Variants in CACNA2D3 observed in about 807,000 individuals in gnomAD.
CACNA2D3 encodes the protein voltage-dependent calcium channel subunit alpha-2/delta-3.
A neutral mutation model predicts 160.6 loss-of-function variants in CACNA2D3; 60 were observed. The ratio of observed to expected loss-of-function variants is 0.37; its 90% CI spans 0.30 to 0.46. CACNA2D3 has a LOEUF of 0.46. Among genes scored for constraint, CACNA2D3 ranks in the 20% least tolerant of loss-of-function variants. The pLI, the probability that CACNA2D3 is intolerant of heterozygous loss-of-function variation, is 1.00. For missense variants in CACNA2D3, 1,205 were observed against 1,365.0 expected, an observed-to-expected ratio of 0.88 and a Z score of 1.85; for synonymous variants, 558 against 492.9, an observed-to-expected ratio of 1.13 and a Z score of -1.75.
chr3:54,318,652 A>G (rs1320301291), intron 2 of CACNA2D3, among the ~76,000 whole-genome samples: 3 of 150,000 alleles, frequency 2.0e-5, no homozygotes, highest in South Asian at 2.1e-4. Context: ...TGGGGAGTCC[A>G]TGTCTAGGTT....
Position 54,626,170 on chromosome 3 carries a change from T to C in CACNA2D3, c.964-1617T>C, listed in dbSNP as rs894071526. The C allele has an allele frequency of 1.6e-5, 11 of 694,440 alleles. No individual in the cohort carries two copies. The African/African-American group carries it at 1.8e-4, about 11-fold the overall frequency. 43.0% of individuals were successfully genotyped at this position (694,440 alleles called of 1,614,324 possible). On this transcript the variant is annotated intron_variant, in intron 9 of 37. Transcript: ENST00000474759. ...AAAGCAAGGGGAGTCTCACGATAAC[T>C]GCGCAGGCGCGGACCAGAGAGCTCT...
At chr3:54,496,779 GTC>G (rs1701210091) in intron 4 of CACNA2D3, among the ~76,000 whole-genome samples, 1 of 152,070 alleles carries the variant, frequency 6.6e-6, no homozygotes, top group Non-Finnish European at 1.5e-5. Flanking sequence ...TTACATTTAA[GTC>G]TGTCATCCAT....
rs398051961 is a variant in CACNA2D3 at position 54,386,712 on chromosome 3, T to TTA, written c.322-3_322-2insTA. The stretch of plus-strand genomic sequence containing the variant: ...GTCTTCTGTTTTTTTTTTTTTTTTT[T>TTA]AGCGTCTGGTGGAGGCTGCAGAAGA... On this transcript the variant is annotated splice_region_variant and splice_polypyrimidine_tract_variant and intron_variant, in intron 3 of 37. Coordinates refer to ENST00000474759, the MANE Select transcript of CACNA2D3 (RefSeq NM_018398.3). The TTA allele has an allele frequency of 5.2e-6, 8 of 1,540,220 alleles. No homozygotes were observed. The highest frequency in any genetic ancestry group is 7.0e-6 in the Non-Finnish European group (8 of 1,148,154).
In CACNA2D3 at chr3:54,649,842, G is replaced by T. The variant is rs369936074; in HGVS notation, c.1167+7601G>T. ...TCCATAACACTGTCTGTTCCTGTGG[G>T]GGCAGAGTTGACCTATCCATAAATT... is the stretch of plus-strand genomic sequence containing the variant. On this transcript the variant is annotated intron_variant, in intron 11 of 37. Transcript: ENST00000474759. 1.2e-4 allele frequency among the ~76,000 whole-genome samples: 19 copies of T among 152,156 alleles called. 1 individual carries two copies. The highest frequency in any genetic ancestry group is 1.1e-3 in the Admixed American group (17 of 15,284).
chr3:54,626,458 G>T (rs1699106542), intron 9 of CACNA2D3: 1 of 1,601,024 alleles, frequency 6.2e-7, no homozygotes. Flanking sequence ...CCTGCGTGAC[G>T]TGATCATCCT....
At chr3:54,985,234 T>G (rs1702588634) in intron 30 of CACNA2D3, among the ~76,000 whole-genome samples, 1 of 152,168 alleles carries the variant, frequency 6.6e-6, no homozygotes, top group South Asian at 2.1e-4. Flanking sequence ...CTGCACCATG[T>G]GCAGTGTAGG....
intron 28 of CACNA2D3, 141 bp from the exon 29 acceptor site, chr3:54,969,659 C>T: frequency 1.6e-6 from 1 of 635,920 alleles, no homozygotes; most frequent in Admixed American, 2.7e-5. Flanking sequence ...TGGAGCATTC[C>T]TTTTCAATGA....
intron 13 of CACNA2D3, among the ~76,000 whole-genome samples, chr3:54,808,156 GTAAC>G (rs1467151461): frequency 1.3e-5 from 2 of 151,864 alleles, no homozygotes; most frequent in Non-Finnish European, 2.9e-5. Context: ...GTATACATAT[GTAAC>G]TAACCTGCAC....
chr3:54,189,691 A>G (rs1266769379), intron 2 of CACNA2D3, among the ~76,000 whole-genome samples: 1 of 152,070 alleles, frequency 6.6e-6, no homozygotes, highest in Non-Finnish European at 1.5e-5. Flanking sequence ...GACAGTTTGG[A>G]GAGGTCTGCT....
intron 16 of CACNA2D3, 71 bp downstream of exon 16, chr3:54,838,719 G>C (rs1466776692): frequency 2.6e-6 from 3 of 1,155,188 alleles, no homozygotes; most frequent in Non-Finnish European, 2.6e-6. Context: ...CAAAGTTCAG[G>C]CTTCAAACTC....
chr3:54,664,427 A>G (rs1401359848), intron 11 of CACNA2D3, among the ~76,000 whole-genome samples: 1 of 152,126 alleles, frequency 6.6e-6, no homozygotes, highest in Non-Finnish European at 1.5e-5. Context: ...GTTGAACCCT[A>G]TTTTGGCTGC....
Position 54,286,707 on chromosome 3 carries a change from C to T in CACNA2D3, c.205-33735C>T, listed in dbSNP as rs574256545. On this transcript the variant is annotated intron_variant, in intron 2 of 37. Coordinates refer to ENST00000474759, the MANE Select transcript of CACNA2D3 (RefSeq NM_018398.3). The stretch of plus-strand genomic sequence containing the variant: ...AGGTCAGGTTACCCACAAAGGGAAG[C>T]GCATCAGACTAACCGGATCTCTCGG... Among the ~76,000 whole-genome samples, 25 of 152,276 alleles carry T rather than the reference C, an allele frequency of 1.6e-4. 1 individual carries two copies. In the South Asian group the frequency reaches 3.7e-3, roughly 23 times the overall value.
In CACNA2D3 at chr3:54,509,000, G is replaced by A. The variant is rs142826408; in HGVS notation, c.544+5346G>A. Among the ~76,000 whole-genome samples the A allele has an allele frequency of 7.7e-3, 1,169 of 152,314 alleles. 5 individuals are homozygous for A. Among genetic ancestry groups the A allele is most frequent in the Non-Finnish European group, 0.012 (834 of 68,022 alleles). On this transcript the variant is annotated intron_variant, in intron 5 of 37. Transcript: ENST00000474759. ...GAGCAGAGTATGCAGGCTGCTGGAG[G>A]GATGGGCAGGGTTGCTGAATTTGGA...
At chr3:54,614,901 T>C (rs941687100) in intron 9 of CACNA2D3, among the ~76,000 whole-genome samples, 4 of 152,084 alleles carry the variant, frequency 2.6e-5, no homozygotes, top group Non-Finnish European at 5.9e-5. Context: ...AAACATATAA[T>C]ATATGTTACA....
intron 29 of CACNA2D3, among the ~76,000 whole-genome samples, chr3:54,972,051 A>G (rs1702285965): frequency 6.6e-6 from 1 of 152,198 alleles, no homozygotes; most frequent in Non-Finnish European, 1.5e-5. Context: ...CTGTGGTTTC[A>G]GGTTGCTGGA....
chr3:54,284,808 AG>A (rs1702969034), intron 2 of CACNA2D3, among the ~76,000 whole-genome samples: 1 of 152,236 alleles, frequency 6.6e-6, no homozygotes, highest in South Asian at 2.1e-4. Context: ...TTCTAAAATA[AG>A]GGATTGGCTA....
intron 18 of CACNA2D3, 26 bp from the exon 19 acceptor site, chr3:54,878,992 A>G: frequency 6.7e-7 from 1 of 1,500,048 alleles, no homozygotes; most frequent in Non-Finnish European, 9.2e-7. Context: ...GGGAAGAACT[A>G]ACACACTTTT....
chr3:55,055,486 C>T (rs965307738), intron 35 of CACNA2D3, among the ~76,000 whole-genome samples: 4 of 152,028 alleles, frequency 2.6e-5, no homozygotes, highest in African/African-American at 9.7e-5. Flanking sequence ...AGTATGGTGT[C>T]TCCAGCTTCA....
intron 11 of CACNA2D3, among the ~76,000 whole-genome samples, chr3:54,661,743 C>T (rs1699975040): frequency 6.6e-6 from 1 of 152,042 alleles, no homozygotes; most frequent in South Asian, 2.1e-4. Context: ...GCAATAGATT[C>T]ACCAGAGGTG....
Sources: gnomAD v4.1 joint callset for allele counts (sites outside exome capture counted in the v4.1 genomes callset) on GRCh38, gnomAD v4.1.1 for gene constraint, MANE v1.5 for transcripts, NCBI Gene and HGNC (gene_info 2026-07-23, HGNC 2026-07-21) for gene names.